The following FAF1 variants were observed in gnomAD, a reference collection of about 807,000 sequenced individuals.
FAF1 encodes Fas associated factor 1, also known as FAS-associated factor 1.
Under a neutral mutation model 92.5 loss-of-function variants are expected in FAF1, and 25 were observed. That is an observed-to-expected ratio of 0.27 (90% CI 0.20 to 0.38). The LOEUF is 0.38. Ranked by LOEUF, FAF1 falls within the 10% of genes least tolerant of loss-of-function variation. The pLI is 1.00. For synonymous variants in FAF1, 234 were observed against 273.2 expected, an observed-to-expected ratio of 0.86 and a Z score of 1.42; for missense variants, 636 against 793.3, an observed-to-expected ratio of 0.80 and a Z score of 2.38.
At chr1:50,617,271 TGG>T in intron 8 of FAF1, among the ~76,000 whole-genome samples, 1 of 152,288 alleles carries the variant, frequency 6.6e-6, no homozygotes, top group African/African-American at 2.4e-5. Context: ...ATGTTAGCTG[TGG>T]GTTTGTGGTT....
chr1:50,698,588 C>G (rs1657330580), intron 7 of FAF1, among the ~76,000 whole-genome samples: 1 of 151,982 alleles, frequency 6.6e-6, no homozygotes, highest in Non-Finnish European at 1.5e-5. Context: ...AAATTTTTTG[C>G]AGTGAGTTTT....
intron 6 of FAF1, among the ~76,000 whole-genome samples, chr1:50,726,812 G>T (rs1569843909): frequency 6.6e-6 from 1 of 152,344 alleles, no homozygotes; most frequent in South Asian, 2.1e-4. Flanking sequence ...CTGGGTGACA[G>T]AGCGAGACTC....
intron 4 of FAF1, among the ~76,000 whole-genome samples, chr1:50,770,409 T>C (rs539792583): frequency 1.3e-5 from 2 of 152,302 alleles, no homozygotes; most frequent in South Asian, 4.1e-4. Context: ...CCAGCAATGT[T>C]TCAGGATACA....
At chr1:50,911,060 CTTTA>C (rs767925785) in intron 1 of FAF1, among the ~76,000 whole-genome samples, 4 of 151,814 alleles carry the variant, frequency 2.6e-5, no homozygotes, top group Admixed American at 1.3e-4. Flanking sequence ...CGGAATTTTG[CTTTA>C]TTTATTTATT....
chr1:50,942,548 A>G (rs1645142056), intron 1 of FAF1, among the ~76,000 whole-genome samples: 1 of 152,160 alleles, frequency 6.6e-6, no homozygotes, highest in Non-Finnish European at 1.5e-5. Context: ...TCTAAGATCA[A>G]TATGCAAAAT....
At chr1:50,879,817 C>T (rs1352672325) in intron 1 of FAF1, among the ~76,000 whole-genome samples, 3 of 152,188 alleles carry the variant, frequency 2.0e-5, no homozygotes, top group Admixed American at 1.3e-4. Flanking sequence ...AACAATTCCT[C>T]CAGATGATTC....
At chr1:50,685,543 T>C (rs4256860) in intron 7 of FAF1, among the ~76,000 whole-genome samples, 152,197 of 152,340 alleles carry the variant, frequency 1, 76,027 homozygotes, top group Non-Finnish European at 1. Context: ...TACTACTTAC[T>C]TATCTTCTGC....
Position 50,945,107 on chromosome 1 carries a change from C to T in FAF1, c.45+14660G>A, listed in dbSNP as rs141433417. ...TATCCACATACCAGATGCCTATGAA[C>T]GGCAGGGAGCATGGAAGCATCAAAT... is the stretch of plus-strand genomic sequence containing the variant. On this transcript the variant is annotated intron_variant, in intron 1 of 18. Coordinates refer to ENST00000396153, the MANE Select transcript of FAF1 (RefSeq NM_007051.3). Among the ~76,000 whole-genome samples, 770 of 152,280 alleles carry T rather than the reference C, an allele frequency of 5.1e-3. 5 individuals are homozygous for T. The highest frequency in any genetic ancestry group is 8.6e-3 in the Non-Finnish European group (584 of 68,026).
chr1:50,757,286 T>C (rs1660114481), intron 4 of FAF1, among the ~76,000 whole-genome samples: 1 of 152,224 alleles, frequency 6.6e-6, no homozygotes, highest in African/African-American at 2.4e-5. Flanking sequence ...TTTTTGTCTG[T>C]TGTTCTGAAC....
chr1:50,941,372 G>A (rs1300449291), intron 1 of FAF1, among the ~76,000 whole-genome samples: 1 of 152,084 alleles, frequency 6.6e-6, no homozygotes, highest in East Asian at 1.9e-4. Context: ...ACCACGCCCA[G>A]CTAATTTTTG....
At chr1:50,613,310 G>A (rs976790966) in intron 8 of FAF1, among the ~76,000 whole-genome samples, 7 of 152,182 alleles carry the variant, frequency 4.6e-5, no homozygotes, top group African/African-American at 1.7e-4. Context: ...ATTTAATTCA[G>A]TAGTCACAAA....
intron 2 of FAF1, among the ~76,000 whole-genome samples, chr1:50,856,461 A>C (rs761332676): frequency 1.3e-5 from 2 of 151,806 alleles, no homozygotes; most frequent in African/African-American, 2.4e-5. Flanking sequence ...TATAGCAACA[A>C]TGGTTAAAAG....
chr1:50,924,221 T>C (rs1317399234), intron 1 of FAF1, among the ~76,000 whole-genome samples: 2 of 151,230 alleles, frequency 1.3e-5, no homozygotes, highest in African/African-American at 2.4e-5. Context: ...CTCAGTGAAG[T>C]TGCAAGACAC....
intron 7 of FAF1, among the ~76,000 whole-genome samples, chr1:50,701,575 A>G (rs1284243271): frequency 3.9e-5 from 6 of 152,140 alleles, no homozygotes; most frequent in Admixed American, 3.3e-4. Flanking sequence ...AATATACGCT[A>G]GTCAAGCAAG....
At position 50,716,709 on chromosome 1, in the gene FAF1, G is replaced by A. The variant is rs774670381; in HGVS notation, c.552-10818C>T. Among the ~76,000 whole-genome samples the A allele has an allele frequency of 5.9e-5, 9 of 152,276 alleles. No homozygotes were observed. The South Asian group carries it at 8.3e-4, about 14-fold the overall frequency. The stretch of plus-strand genomic sequence containing the variant: ...TTGTAAATACACCAGTCAGCACTCC[G>A]TAAAAACACGCCAATCAGTGCTGTG... On this transcript the variant is annotated intron_variant, in intron 6 of 18. Transcript: ENST00000396153.
At chr1:50,811,293 C>T (rs1643906845) in intron 2 of FAF1, among the ~76,000 whole-genome samples, 2 of 152,042 alleles carry the variant, frequency 1.3e-5, no homozygotes, top group South Asian at 2.1e-4. Flanking sequence ...GAGCCAAGAT[C>T]GAATTACTGC....
intron 18 of FAF1, among the ~76,000 whole-genome samples, chr1:50,444,189 C>T (rs1307792726): frequency 1.3e-5 from 2 of 152,118 alleles, no homozygotes; most frequent in Non-Finnish European, 2.9e-5. Context: ...CATGTTTCTC[C>T]CCAGCAAGAT....
chr1:50,631,046 TC>T (rs1309035466), intron 8 of FAF1, among the ~76,000 whole-genome samples: 4 of 151,978 alleles, frequency 2.6e-5, no homozygotes. Context: ...CACCTCGGCC[TC>T]CCAAAGTGCT....
At chr1:50,738,369 G>A (rs1659223381) in intron 6 of FAF1, among the ~76,000 whole-genome samples, 1 of 151,524 alleles carries the variant, frequency 6.6e-6, no homozygotes, top group South Asian at 2.1e-4. Flanking sequence ...CTTGAATCCG[G>A]GAGGCAGAGG....
Sources: allele counts gnomAD v4.1 joint callset (sites outside exome capture counted in the v4.1 genomes callset), GRCh38; gene constraint gnomAD v4.1.1; transcripts MANE v1.5; gene names NCBI Gene and HGNC (gene_info 2026-07-23, HGNC 2026-07-21).